PALM2AKAP2: variants seen among roughly 807,000 people sequenced by gnomAD.
The protein encoded by PALM2AKAP2 is PALM2 and AKAP2 fusion.
In PALM2AKAP2, 37 loss-of-function variants were observed where a neutral mutation model predicts 71.5. The ratio of observed to expected loss-of-function variants is 0.52; its 90% CI spans 0.40 to 0.68. The LOEUF (loss-of-function observed/expected upper bound fraction) is 0.68, where lower values mean the gene tolerates loss of function less well. Among genes scored for constraint, PALM2AKAP2 ranks in the 30% least tolerant of loss-of-function variants. The pLI, the probability that PALM2AKAP2 is intolerant of heterozygous loss-of-function variation, is 0.00. For synonymous variants in PALM2AKAP2, 468 were observed against 478.8 expected, an observed-to-expected ratio of 0.98 and a Z score of 0.29; for missense variants, 1,224 against 1,191.8, an observed-to-expected ratio of 1.03 and a Z score of -0.40.
At chr9:109,641,700 C>A (rs923802887) in intron 1 of PALM2AKAP2, among the ~76,000 whole-genome samples, 2 of 152,160 alleles carry the variant, frequency 1.3e-5, no homozygotes, top group Non-Finnish European at 1.5e-5. Context: ...GCTATTAGAT[C>A]CCGCTCACTT....
At chr9:109,651,770 T>C (rs1037669216) in intron 1 of PALM2AKAP2, among the ~76,000 whole-genome samples, 2 of 152,212 alleles carry the variant, frequency 1.3e-5, no homozygotes, top group African/African-American at 4.8e-5. Context: ...CTGAAAGATG[T>C]CATTTTCTTA....
Position 110,137,405 on chromosome 9 carries a change from G to T in PALM2AKAP2, c.1435G>T (p.Gly479Ter). Residue 479 changes from glycine to a stop codon, truncating the protein, a stop_gained, in exon 2 of 4, where the codon GGA (glycine) becomes TGA (stop). Coordinates refer to ENST00000374525, the Ensembl canonical transcript of PALM2AKAP2. LOFTEE classifies it high-confidence loss of function. The stretch of plus-strand genomic sequence containing the variant: ...AGACAGTGGTGCCTCAGCCGCCAAG[G>T]GACAGAAATCCCCCGGTGCCCTGGA... 1 of 1,614,158 alleles carries T rather than the reference G, an allele frequency of 6.2e-7. No homozygotes were observed. The highest frequency in any genetic ancestry group is 2.2e-5 in the East Asian group (1 of 44,876).
At chr9:109,951,384 C>T (rs1831637431) in intron 6 of PALM2AKAP2, among the ~76,000 whole-genome samples, 2 of 152,220 alleles carry the variant, frequency 1.3e-5, no homozygotes, top group Non-Finnish European at 2.9e-5. Flanking sequence ...TCAGAAAAGA[C>T]ACTACCAGCG....
At position 109,840,072 on chromosome 9, in the gene PALM2AKAP2, A is replaced by G. The variant is rs139624949; in HGVS notation, c.46-27419A>G. Among the ~76,000 whole-genome samples, 583 of 152,352 alleles carry G rather than the reference A, an allele frequency of 3.8e-3. 1 individual carries two copies. Among genetic ancestry groups the G allele is most frequent in the Non-Finnish European group, 7.0e-3 (474 of 68,034 alleles). On this transcript the variant is annotated intron_variant, in intron 1 of 9. Coordinates refer to the PALM2AKAP2 transcript ENST00000302798. ...GCATTGCCAAGTCAATCTTAAGCCA[A>G]AAGAACAAAGGTGGAGGCATCACGC...
chr9:109,670,725 C>T (rs1364912351), intron 1 of PALM2AKAP2, among the ~76,000 whole-genome samples: 1 of 152,162 alleles, frequency 6.6e-6, no homozygotes, highest in Admixed American at 6.5e-5. Context: ...AACTAATTTA[C>T]ACTTCCACCA....
chr9:109,987,823 A>T (rs1222718238), intron 6 of PALM2AKAP2, among the ~76,000 whole-genome samples: 3 of 152,218 alleles, frequency 2.0e-5, no homozygotes, highest in Admixed American at 6.5e-5. Context: ...CACAGCATAA[A>T]CATCACCGTA....
At chr9:109,961,132 T>C (rs1160038566) in intron 6 of PALM2AKAP2, among the ~76,000 whole-genome samples, 2 of 152,248 alleles carry the variant, frequency 1.3e-5, no homozygotes, top group East Asian at 3.8e-4. Context: ...ACATGCATAC[T>C]ACACCTGCTC....
intron 1 of PALM2AKAP2, among the ~76,000 whole-genome samples, chr9:109,673,217 C>G (rs1378428869): frequency 2.0e-5 from 3 of 152,036 alleles, no homozygotes; most frequent in Non-Finnish European, 2.9e-5. Flanking sequence ...AACTTGGGAT[C>G]TCTCTAAATT....
chr9:109,936,545 T>C (rs1831221928), intron 6 of PALM2AKAP2, among the ~76,000 whole-genome samples: 1 of 152,204 alleles, frequency 6.6e-6, no homozygotes, highest in Non-Finnish European at 1.5e-5. Context: ...AAGTCAACCA[T>C]GTGCATTGCT....
intron 1 of PALM2AKAP2, among the ~76,000 whole-genome samples, chr9:109,728,535 C>T (rs542708473): frequency 6.6e-6 from 1 of 152,346 alleles, no homozygotes; most frequent in African/African-American, 2.4e-5. Flanking sequence ...CCAGCTCTAT[C>T]CCTGCACACT....
chr9:109,764,258 A>T (rs1829108624), intron 1 of PALM2AKAP2, among the ~76,000 whole-genome samples: 3 of 152,030 alleles, frequency 2.0e-5, no homozygotes, highest in Admixed American at 2.0e-4. Context: ...TGACATGCTG[A>T]ACTAGACCCA....
intron 1 of PALM2AKAP2, among the ~76,000 whole-genome samples, chr9:109,655,065 G>A (rs1267251150): frequency 6.6e-6 from 1 of 152,116 alleles, no homozygotes; most frequent in Admixed American, 6.6e-5. Flanking sequence ...CGAGGCAGGT[G>A]GATCACGAGG....
intron 7 of PALM2AKAP2, among the ~76,000 whole-genome samples, chr9:110,035,371 T>TATATATTATATGTATA (rs1274397009): frequency 0.021 from 1,520 of 72,384 alleles, 41 homozygotes; most frequent in African/African-American, 0.11. Flanking sequence ...ATACATATTA[T>TATATATTATATGTATA]ATACATATAT....
chr9:109,684,171 T>C (rs1827776648), intron 1 of PALM2AKAP2, among the ~76,000 whole-genome samples: 1 of 152,158 alleles, frequency 6.6e-6, no homozygotes, highest in African/African-American at 2.4e-5. Flanking sequence ...AGGAAGGTAG[T>C]CCTTTCTGAT....
rs200417685 is a variant in PALM2AKAP2 at position 109,645,549 on chromosome 9, GAAA to G, written c.5+4694_5+4696del. Among the ~76,000 whole-genome samples, 22 of 122,368 alleles carry G rather than the reference GAAA, an allele frequency of 1.8e-4. No individual in the cohort carries two copies. The East Asian group carries it at 2.1e-3, about 12-fold the overall frequency. The allele number at this position is 122,368 out of a possible 152,430, so 80.3% of individuals were successfully genotyped here. A position where few individuals can be genotyped will look rare whatever the true frequency, so the allele number is the denominator to read the frequency against. The stretch of plus-strand genomic sequence containing the variant: ...GTAAAATAAGAGCTTCTTAGTTTAA[GAAA>G]AAAAAAAAAACCCCAGCCATAAAAG... On this transcript the variant is annotated intron_variant, in intron 1 of 6. Transcript: ENST00000374531.
intron 1 of PALM2AKAP2, among the ~76,000 whole-genome samples, chr9:110,076,481 TATATATTCTAC>T (rs907075776): frequency 6.4e-5 from 5 of 78,468 alleles, no homozygotes; most frequent in African/African-American, 3.5e-4. Context: ...AGGTATATCA[TATATATTCTAC>T]ATATATATAT....
chr9:109,879,681 G>T (rs1829802308), intron 2 of PALM2AKAP2, among the ~76,000 whole-genome samples: 1 of 149,070 alleles, frequency 6.7e-6, no homozygotes, highest in Non-Finnish European at 1.5e-5. Flanking sequence ...TAGTACACTT[G>T]CAAACATGGG....
At chr9:109,699,188 A>G (rs905338598) in intron 1 of PALM2AKAP2, among the ~76,000 whole-genome samples, 1 of 152,222 alleles carries the variant, frequency 6.6e-6, no homozygotes, top group African/African-American at 2.4e-5. Flanking sequence ...CAAACACAAG[A>G]TACCATTTTC....
intron 6 of PALM2AKAP2, among the ~76,000 whole-genome samples, chr9:109,970,033 T>C (rs1015446501): frequency 6.6e-6 from 1 of 152,230 alleles, no homozygotes; most frequent in African/African-American, 2.4e-5. Context: ...AGATGTTTCC[T>C]AGACCTTGCC....
Sources: allele counts gnomAD v4.1 joint callset (sites outside exome capture counted in the v4.1 genomes callset), GRCh38; gene constraint gnomAD v4.1.1; transcripts MANE v1.5; gene names NCBI Gene and HGNC (gene_info 2026-07-23, HGNC 2026-07-21).